PTPRJ: variants seen among roughly 807,000 people sequenced by gnomAD.
PTPRJ encodes protein tyrosine phosphatase receptor type J, also known as receptor-type tyrosine-protein phosphatase eta.
A neutral mutation model predicts 141.3 loss-of-function variants in PTPRJ; 129 were observed. That is an observed-to-expected ratio of 0.91 (90% CI 0.79 to 1.06). The LOEUF (loss-of-function observed/expected upper bound fraction) is 1.06, where lower values mean the gene tolerates loss of function less well. Among genes scored for constraint, PTPRJ ranks in the 50% least tolerant of loss-of-function variants. The pLI, the probability that PTPRJ is intolerant of heterozygous loss-of-function variation, is 0.00. For missense variants in PTPRJ, 1,601 were observed against 1,679.7 expected (o/e 0.95, Z 0.82); for synonymous variants, 610 against 640.5 (o/e 0.95, Z 0.72).
In PTPRJ at chr11:48,145,163, C is replaced by G. The variant is rs1396464070; in HGVS notation, c.2911+39C>G. 7 of 1,611,376 alleles carry G rather than the reference C, an allele frequency of 4.3e-6. No individual in the cohort carries two copies. In the Admixed American group the frequency reaches 1.2e-4, roughly 27 times the overall value. ...AACAGTCCTGGCACTGGTTCAGTGG[C>G]ATTTTGCTCCACGTGTCCATAGAAG... On this transcript the variant is annotated intron_variant, in intron 14 of 24. Transcript: ENST00000418331.
intron 5 of PTPRJ, 118 bp downstream of exon 5, chr11:48,123,988 T>C: frequency 1.6e-6 from 2 of 1,213,120 alleles, no homozygotes; most frequent in Non-Finnish European, 2.3e-6. Flanking sequence ...ATAAAGGGCT[T>C]TTCCTCCACA....
At chr11:47,995,415 G>A (rs1467876490) in intron 1 of PTPRJ, among the ~76,000 whole-genome samples, 1 of 152,180 alleles carries the variant, frequency 6.6e-6, no homozygotes, top group African/African-American at 2.4e-5. Context: ...GACAGGGCGT[G>A]TCTGAGTCCA....
chr11:48,075,205 A>T (rs780668619), intron 1 of PTPRJ, among the ~76,000 whole-genome samples: 5 of 149,906 alleles, frequency 3.3e-5, no homozygotes, highest in Non-Finnish European at 7.4e-5. Context: ...GTGCAGTGGC[A>T]TGATCTCAGC....
At chr11:48,047,254 T>A (rs1854432026) in intron 1 of PTPRJ, among the ~76,000 whole-genome samples, 1 of 152,046 alleles carries the variant, frequency 6.6e-6, no homozygotes, top group African/African-American at 2.4e-5. Context: ...TGCAGAAGAA[T>A]TATCAATCCT....
At chr11:48,035,241 G>A (rs1007669540) in intron 1 of PTPRJ, among the ~76,000 whole-genome samples, 5 of 152,354 alleles carry the variant, frequency 3.3e-5, no homozygotes, top group Non-Finnish European at 7.3e-5. Context: ...GGCCAGCAGA[G>A]TCAGAGCTTG....
At position 48,159,960 on chromosome 11, in the gene PTPRJ, C is replaced by T; in HGVS notation, c.3469C>T (p.Gln1157Ter). 1 of 1,613,830 alleles carries T rather than the reference C, an allele frequency of 6.2e-7. No individual in the cohort carries two copies. Residue 1157 changes from glutamine to a stop codon, truncating the protein, a stop_gained, in exon 22 of 25, where the codon CAG (glutamine) becomes TAG (stop). Coordinates refer to ENST00000418331, the MANE Select transcript of PTPRJ (RefSeq NM_002843.4). LOFTEE classifies it high-confidence loss of function. ...TKCEEYWPSK[Q>*]AQDYGDITVA... ...ATGTGAGGAGTATTGGCCCTCCAAG[C>T]AGGCTCAGGACTATGGAGACATAAC... is the stretch of plus-strand genomic sequence containing the variant.
At chr11:48,028,103 A>G (rs116838573) in intron 1 of PTPRJ, among the ~76,000 whole-genome samples, 1 of 152,212 alleles carries the variant, frequency 6.6e-6, no homozygotes, top group Non-Finnish European at 1.5e-5. Flanking sequence ...CTTAGCTACT[A>G]CTGAGCCATA....
intron 3 of PTPRJ, among the ~76,000 whole-genome samples, chr11:48,118,498 A>G (rs1856624441): frequency 6.6e-6 from 1 of 152,226 alleles, no homozygotes; most frequent in Non-Finnish European, 1.5e-5. Context: ...TTGATACGAA[A>G]ACCAGACAAG....
chr11:47,989,264 T>C (rs1272887226), intron 1 of PTPRJ, among the ~76,000 whole-genome samples: 1 of 151,684 alleles, frequency 6.6e-6, no homozygotes, highest in African/African-American at 2.4e-5. Context: ...TTCTTCTTTT[T>C]TTGTTTTCTT....
chr11:48,023,564 G>A (rs1853716252), intron 1 of PTPRJ, among the ~76,000 whole-genome samples: 1 of 152,026 alleles, frequency 6.6e-6, no homozygotes, highest in South Asian at 2.1e-4. Context: ...CAGGCCAATC[G>A]TGAGGTCAGG....
chr11:48,063,636 A>G (rs1284241700), intron 1 of PTPRJ, among the ~76,000 whole-genome samples: 1 of 152,190 alleles, frequency 6.6e-6, no homozygotes, highest in Non-Finnish European at 1.5e-5. Context: ...GCACATTTTT[A>G]GGCTACTTTT....
At chr11:48,099,457 C>T (rs568286028) in intron 1 of PTPRJ, among the ~76,000 whole-genome samples, 1 of 152,286 alleles carries the variant, frequency 6.6e-6, no homozygotes, top group Admixed American at 6.5e-5. Context: ...AGTACAAGGG[C>T]ACAGTTTAAA....
chr11:48,033,487 G>A (rs973014406), intron 1 of PTPRJ, among the ~76,000 whole-genome samples: 2 of 152,188 alleles, frequency 1.3e-5, no homozygotes, highest in African/African-American at 4.8e-5. Context: ...TGGTGCATGT[G>A]TCCAGGCTCA....
In PTPRJ at chr11:48,131,388, A is replaced by G. The variant is rs895259884; in HGVS notation, c.1615+672A>G. 3.1e-5 allele frequency: 20 copies of G among 654,160 alleles called. No individual in the cohort carries two copies. In the African/African-American group the frequency reaches 3.7e-4, roughly 12 times the overall value. 40.5% of individuals were successfully genotyped at this position (654,160 alleles called of 1,614,324 possible). On this transcript the variant is annotated intron_variant, in intron 8 of 24. Coordinates refer to ENST00000418331, the MANE Select transcript of PTPRJ (RefSeq NM_002843.4). ...GTGCGCCACTGCACCCAGCCCACAA[A>G]TATATATTTATTTCTTTCACAAACA... is the stretch of plus-strand genomic sequence containing the variant.
chr11:48,046,912 A>ATATAT lies in PTPRJ; in HGVS notation c.97-63145_97-63144insATATT, dbSNP rs1446781886. ...TACATATATATATATATATATATATATTTTTTTTTTTTTTTTTTTTTGAGA... is the reference window on the plus strand; with the variant it reads ...TACATATATATATATATATATATATATATATTTTTTTTTTTTTTTTTTTTTTGAGA... On this transcript the variant is annotated intron_variant, in intron 1 of 24. Coordinates refer to ENST00000418331, the MANE Select transcript of PTPRJ (RefSeq NM_002843.4). Among the ~76,000 whole-genome samples, 53 of 74,176 alleles carry ATATAT rather than the reference A, an allele frequency of 7.1e-4. 1 individual carries two copies. Among genetic ancestry groups the ATATAT allele is most frequent in the Non-Finnish European group, 8.9e-4 (39 of 43,626 alleles). The allele number at this position is 74,176 out of a possible 152,430, so 48.7% of individuals were successfully genotyped here.
intron 24 of PTPRJ, 34 bp from the exon 25 acceptor site, chr11:48,167,170 C>A: frequency 6.3e-7 from 1 of 1,581,746 alleles, no homozygotes; most frequent in South Asian, 1.1e-5. Flanking sequence ...GACCCATGTT[C>A]ATTTTCTGTC....
intron 12 of PTPRJ, among the ~76,000 whole-genome samples, chr11:48,143,832 C>T (rs955491769): frequency 4.4e-5 from 6 of 136,428 alleles, no homozygotes; most frequent in Non-Finnish European, 8.0e-5. Context: ...CTCCCCCTCC[C>T]CTCTCCTCCT....
In PTPRJ at chr11:48,136,115, C is replaced by A. The variant is rs752830587; in HGVS notation, c.1692C>A (p.Asp564Glu). 6.2e-7 allele frequency: 1 copy of A among 1,614,190 alleles called. No individual in the cohort carries two copies. The highest frequency in any genetic ancestry group is 1.1e-5 in the South Asian group (1 of 91,084). ...TGTGGCTGGACTGGAAGAGCCCTGA[C>A]GGTGCTTCCGAGTATGTCTACCATT... is the stretch of plus-strand genomic sequence containing the variant. Reference protein sequence around the residue: ...TEMWLDWKSPDGASEYVYHLV... With the variant: ...TEMWLDWKSPEGASEYVYHLV... The change falls in exon 9 of 25, where the codon GAC (aspartate) becomes GAA (glutamate). Residue 564 changes from aspartate (D) to glutamate (E), a missense_variant. By Grantham distance (45) the Asp-to-Glu change is conservative. Coordinates refer to ENST00000418331, the MANE Select transcript of PTPRJ (RefSeq NM_002843.4).
chr11:48,159,470 T>C (rs1332437785), intron 21 of PTPRJ, among the ~76,000 whole-genome samples: 1 of 152,218 alleles, frequency 6.6e-6, no homozygotes, highest in Non-Finnish European at 1.5e-5. Context: ...CAGCTGCTGC[T>C]CTGCTCTAAA....
Sources: gnomAD v4.1 joint callset for allele counts (sites outside exome capture counted in the v4.1 genomes callset) on GRCh38, gnomAD v4.1.1 for gene constraint, MANE v1.5 for transcripts, NCBI Gene and HGNC (gene_info 2026-07-23, HGNC 2026-07-21) for gene names.